Variants in VOPP1 observed in about 807,000 individuals in gnomAD.
VOPP1 encodes the protein WW domain binding protein VOPP1.
A neutral mutation model predicts 23.5 loss-of-function variants in VOPP1; 8 were observed. The observed-to-expected ratio is 0.34, with a 90% CI of 0.20 to 0.61. The LOEUF is 0.61. VOPP1 is among the 20% of genes least tolerant of loss of function. The pLI is 0.78. For synonymous variants in VOPP1, 83 were observed against 97.3 expected, an observed-to-expected ratio of 0.85 and a Z score of 0.86; for missense variants, 174 against 238.1, an observed-to-expected ratio of 0.73 and a Z score of 1.77.
At chr7:55,535,922 T>C (rs1396775353) in intron 1 of VOPP1, among the ~76,000 whole-genome samples, 3 of 152,058 alleles carry the variant, frequency 2.0e-5, no homozygotes, top group Non-Finnish European at 1.5e-5. Flanking sequence ...CCAAAGACAG[T>C]GTTCTTTCCT....
intron 4 of VOPP1, among the ~76,000 whole-genome samples, chr7:55,491,576 G>A (rs1272691637): frequency 6.6e-6 from 1 of 152,160 alleles, no homozygotes; most frequent in East Asian, 1.9e-4. Flanking sequence ...TTGGCTCCCC[G>A]CTGTCATCAG....
chr7:55,451,978 C>T (rs1236970539), intron 4 of VOPP1, among the ~76,000 whole-genome samples: 1 of 152,030 alleles, frequency 6.6e-6, no homozygotes, highest in Non-Finnish European at 1.5e-5. Context: ...TGAAGTCTGC[C>T]GCATTGATTG....
At chr7:55,553,064 T>C (rs1203795437) in intron 1 of VOPP1, among the ~76,000 whole-genome samples, 1 of 152,216 alleles carries the variant, frequency 6.6e-6, no homozygotes, top group Middle Eastern at 3.2e-3. Context: ...TGACAAATGC[T>C]TGACAATATA....
chr7:55,502,990 CAT>C (rs377458380), intron 2 of VOPP1, among the ~76,000 whole-genome samples: 9 of 152,322 alleles, frequency 5.9e-5, no homozygotes, highest in Non-Finnish European at 7.4e-5. Flanking sequence ...CTGAAATACA[CAT>C]GATACTTCAA....
intron 2 of VOPP1, among the ~76,000 whole-genome samples, chr7:55,514,430 T>C (rs908918236): frequency 6.6e-6 from 1 of 152,160 alleles, no homozygotes; most frequent in African/African-American, 2.4e-5. Context: ...CTAGAGACGA[T>C]CTCTTGAACT....
chr7:55,509,996 G>C (rs138195274), intron 2 of VOPP1, among the ~76,000 whole-genome samples: 1 of 152,068 alleles, frequency 6.6e-6, no homozygotes, highest in Non-Finnish European at 1.5e-5. Context: ...GGACCGTGTC[G>C]TCATACTGTT....
chr7:55,550,915 G>A lies in VOPP1; in HGVS notation c.54+21356C>T, dbSNP rs1392231608. On this transcript the variant is annotated intron_variant, in intron 1 of 4. Transcript: ENST00000285279. ...AAAGCAATTAAATTTTAGAGTCAGA[G>A]GCTACACTGGCTTGAAGGAATCAGG... Among the ~76,000 whole-genome samples the A allele has an allele frequency of 9.2e-5, 14 of 152,124 alleles. No homozygotes were observed. The South Asian group carries it at 1.7e-3, about 18-fold the overall frequency.
chr7:55,478,867 G>A (rs1041623659), intron 4 of VOPP1, among the ~76,000 whole-genome samples: 3 of 152,232 alleles, frequency 2.0e-5, no homozygotes, highest in East Asian at 1.9e-4. Flanking sequence ...GTGCTCAAGG[G>A]ACTCTCCTTC....
At chr7:55,540,360 T>C (rs1412882592) in intron 1 of VOPP1, among the ~76,000 whole-genome samples, 1 of 151,628 alleles carries the variant, frequency 6.6e-6, no homozygotes, top group Non-Finnish European at 1.5e-5. Flanking sequence ...ATCGCGCTAC[T>C]GCACTCCAGC....
At chr7:55,474,279 G>A (rs1447059971) in intron 4 of VOPP1, among the ~76,000 whole-genome samples, 1 of 152,232 alleles carries the variant, frequency 6.6e-6, no homozygotes, top group Non-Finnish European at 1.5e-5. Context: ...CTATTTAGAA[G>A]TCGACTTACT....
intron 4 of VOPP1, among the ~76,000 whole-genome samples, chr7:55,448,127 A>G (rs927591172): frequency 6.6e-6 from 1 of 152,178 alleles, no homozygotes; most frequent in African/African-American, 2.4e-5. Flanking sequence ...AAGCCCTAAA[A>G]TATGTACATA....
chr7:55,498,971 C>A (rs1287909250), intron 2 of VOPP1, among the ~76,000 whole-genome samples: 1 of 152,084 alleles, frequency 6.6e-6, no homozygotes, highest in South Asian at 2.1e-4. Context: ...CAAGGACAAA[C>A]TGGGCTGAGA....
chr7:55,498,366 G>C (rs62457896), intron 2 of VOPP1, among the ~76,000 whole-genome samples: 2,270 of 152,144 alleles, frequency 0.015, 64 homozygotes, highest in African/African-American at 0.051. Context: ...TGAGGTTTCC[G>C]GGCCCCTGGC....
In VOPP1 at chr7:55,492,336, C is replaced by T. The variant is rs773827349; in HGVS notation, c.274G>A (p.Glu92Lys). Residue 92 changes from glutamate to lysine, a missense_variant, in exon 4 of 5, where the codon GAG (glutamate) becomes AAG (lysine). Physicochemically the swap from Glu to Lys is moderately conservative, Grantham distance 56. Coordinates refer to ENST00000285279, the MANE Select transcript of VOPP1 (RefSeq NM_030796.5). ...RRRMYPPPLI[E>K]EPAFNVSYTR... ...TAGGACACATTGAAGGCTGGCTCCT[C>T]GATCAGCGGCGGGGGGTACATGCGC... The T allele has an allele frequency of 1.2e-6, 2 of 1,609,618 alleles. No individual in the cohort carries two copies. Among genetic ancestry groups the T allele is most frequent in the East Asian group, 2.2e-5 (1 of 44,726 alleles).
At chr7:55,569,273 G>C (rs1040402345) in intron 1 of VOPP1, among the ~76,000 whole-genome samples, 7 of 152,212 alleles carry the variant, frequency 4.6e-5, no homozygotes, top group African/African-American at 1.7e-4. Flanking sequence ...TCTCAGGAGA[G>C]TCCTGGTGAT....
At chr7:55,537,609 G>GA in intron 1 of VOPP1, 1 of 1,535,488 alleles carries the variant, frequency 6.5e-7, no homozygotes, top group South Asian at 1.2e-5. Context: ...GTCACACGCA[G>GA]CCCTCCAATA....
intron 1 of VOPP1, 51 bp from the exon 2 acceptor site, chr7:55,521,181 T>C: frequency 1.3e-6 from 2 of 1,520,890 alleles, no homozygotes; most frequent in Admixed American, 2.0e-5. Flanking sequence ...ATCTGCATGT[T>C]GTTGAGAAGC....
chr7:55,505,254 C>G (rs1047518699), intron 2 of VOPP1, among the ~76,000 whole-genome samples: 19 of 152,116 alleles, frequency 1.2e-4, no homozygotes, highest in Non-Finnish European at 2.5e-4. Context: ...AATCCACAGT[C>G]GGGTCAGGGA....
At chr7:55,438,848 G>A (rs1362637795) in intron 4 of VOPP1, among the ~76,000 whole-genome samples, 4 of 152,214 alleles carry the variant, frequency 2.6e-5, no homozygotes, top group African/African-American at 9.6e-5. Flanking sequence ...CTACGCAGGT[G>A]CAGGTGGTGA....
Sources: gnomAD v4.1 joint callset for allele counts (sites outside exome capture counted in the v4.1 genomes callset) on GRCh38, gnomAD v4.1.1 for gene constraint, MANE v1.5 for transcripts, NCBI Gene and HGNC (gene_info 2026-07-23, HGNC 2026-07-21) for gene names.